SH3PXD2A: variants seen among roughly 807,000 people sequenced by gnomAD.
The protein encoded by SH3PXD2A is SH3 and PX domain-containing protein 2A.
In SH3PXD2A, 32 loss-of-function variants were observed where a neutral mutation model predicts 115.2. The observed-to-expected ratio is 0.28, with a 90% confidence interval of 0.21 to 0.37. SH3PXD2A has a LOEUF of 0.37. Among genes scored for constraint, SH3PXD2A ranks in the 10% least tolerant of loss-of-function variants. The pLI is 1.00. For missense variants in SH3PXD2A, 1,328 were observed against 1,498.7 expected, an observed-to-expected ratio of 0.89 and a Z score of 1.88; for synonymous variants, 610 against 629.1, an observed-to-expected ratio of 0.97 and a Z score of 0.45.
At chr10:103,715,215 G>C (rs530002802) in intron 5 of SH3PXD2A, among the ~76,000 whole-genome samples, 1 of 152,322 alleles carries the variant, frequency 6.6e-6, no homozygotes, top group South Asian at 2.1e-4. Flanking sequence ...CATTTTCTAC[G>C]CATTTGCTCC....
intron 3 of SH3PXD2A, among the ~76,000 whole-genome samples, chr10:103,759,955 T>C (rs2038682444): frequency 6.6e-6 from 1 of 152,268 alleles, no homozygotes; most frequent in Non-Finnish European, 1.5e-5. Flanking sequence ...GGCCTCCTGC[T>C]GTTGTACATG....
At chr10:103,663,800 C>A (rs914439527) in intron 7 of SH3PXD2A, among the ~76,000 whole-genome samples, 1 of 152,244 alleles carries the variant, frequency 6.6e-6, no homozygotes, top group Non-Finnish European at 1.5e-5. Flanking sequence ...CACTGCCCCC[C>A]GGCAGTTTTC....
Position 103,626,387 on chromosome 10 carries a change from C to T in SH3PXD2A, c.718+702G>A, listed in dbSNP as rs375060230. ...CACCAACCGTTAGGGAAAGAATTCC[C>T]GCAGCCAGGCCATGGGAGGCTTGGA... On this transcript the variant is annotated intron_variant, in intron 9 of 14. Coordinates refer to ENST00000369774, the MANE Select transcript of SH3PXD2A (RefSeq NM_001394015.1). Among the ~76,000 whole-genome samples, 7 of 152,126 alleles carry T rather than the reference C, an allele frequency of 4.6e-5. No homozygotes were observed. In the East Asian group the frequency reaches 7.7e-4, roughly 17 times the overall value.
At chr10:103,832,073 C>T (rs1445842388) in intron 1 of SH3PXD2A, among the ~76,000 whole-genome samples, 1 of 152,186 alleles carries the variant, frequency 6.6e-6, no homozygotes, top group African/African-American at 2.4e-5. Context: ...CACTCTCTCC[C>T]CATGCCCCAG....
chr10:103,684,654 G>A (rs1052275119), intron 6 of SH3PXD2A, among the ~76,000 whole-genome samples: 11 of 152,218 alleles, frequency 7.2e-5, no homozygotes, highest in African/African-American at 2.6e-4. Flanking sequence ...CCCGGCCATA[G>A]ACTAACCCTT....
intron 8 of SH3PXD2A, among the ~76,000 whole-genome samples, chr10:103,640,607 T>C (rs1475776644): frequency 1.3e-5 from 2 of 152,144 alleles, no homozygotes; most frequent in Non-Finnish European, 2.9e-5. Flanking sequence ...GACATGGAGA[T>C]GGGAGCAACA....
chr10:103,750,900 A>G (rs1024059238), intron 3 of SH3PXD2A, among the ~76,000 whole-genome samples: 1 of 152,220 alleles, frequency 6.6e-6, no homozygotes, highest in Non-Finnish European at 1.5e-5. Flanking sequence ...CAATTTTGTC[A>G]GCACTACCCA....
chr10:103,602,328 G>T lies in SH3PXD2A; in HGVS notation c.2890C>A (p.Pro964Thr). ...PGGFGKTSGT[P>T]AVKMRNGVRQ... ...ACTCCGTTCCTCATCTTCACCGCTG[G>T]AGTGCCTGAGGTCTTGCCGAAGCCC... Residue 964 changes from proline to threonine, a missense_variant, in exon 15 of 15, where the codon CCA (proline) becomes ACA (threonine). Coordinates refer to ENST00000369774, the MANE Select transcript of SH3PXD2A (RefSeq NM_001394015.1). The T allele has an allele frequency of 1.2e-6, 2 of 1,613,730 alleles. No homozygotes were observed.
In SH3PXD2A at chr10:103,784,569, T is replaced by C. The variant is rs537279584; in HGVS notation, c.153+16713A>G. 9.2e-5 allele frequency among the ~76,000 whole-genome samples: 14 copies of C among 152,282 alleles called. No individual in the cohort carries two copies. The highest frequency in any genetic ancestry group is 6.5e-4 in the Admixed American group (10 of 15,298). ...GCCTGTGATATCATTTTCTATAGGATTGAAAACATTCCTAATTACAAATAA... is the reference window on the plus strand; with the variant it reads ...GCCTGTGATATCATTTTCTATAGGACTGAAAACATTCCTAATTACAAATAA... On this transcript the variant is annotated intron_variant, in intron 2 of 14. Transcript: ENST00000369774. The surrounding 1 kb of genome is among the most constrained non-coding windows in gnomAD (Gnocchi z 4.4).
At chr10:103,818,521 T>C (rs2134286469) in intron 1 of SH3PXD2A, among the ~76,000 whole-genome samples, 2 of 152,294 alleles carry the variant, frequency 1.3e-5, no homozygotes, top group Non-Finnish European at 2.9e-5. Context: ...AACTGATTCC[T>C]AAAATATCCT....
At chr10:103,678,251 G>T in intron 6 of SH3PXD2A, 1 of 837,856 alleles carries the variant, frequency 1.2e-6, no homozygotes, top group Non-Finnish European at 1.7e-6. Context: ...CCTCCTCTGC[G>T]TGGGTCCAGA....
At chr10:103,791,845 C>G (rs973448522) in intron 2 of SH3PXD2A, among the ~76,000 whole-genome samples, 10 of 152,090 alleles carry the variant, frequency 6.6e-5, no homozygotes, top group African/African-American at 1.7e-4. Flanking sequence ...ACCCTCCAGC[C>G]GGACCCAGGT....
chr10:103,636,136 C>T (rs1393140904), intron 8 of SH3PXD2A, among the ~76,000 whole-genome samples: 3 of 152,050 alleles, frequency 2.0e-5, no homozygotes, highest in Admixed American at 6.5e-5. Flanking sequence ...AAGCTGGGCG[C>T]GGTGGCTCAG....
chr10:103,729,510 C>G (rs2038288457), intron 4 of SH3PXD2A, among the ~76,000 whole-genome samples: 1 of 152,240 alleles, frequency 6.6e-6, no homozygotes, highest in East Asian at 1.9e-4. Context: ...CCGAAGGCCT[C>G]AGGTTGGAGA....
At chr10:103,824,913 G>A (rs894555415) in intron 1 of SH3PXD2A, among the ~76,000 whole-genome samples, 23 of 152,078 alleles carry the variant, frequency 1.5e-4, no homozygotes, top group African/African-American at 5.1e-4. Flanking sequence ...AGCAATTCTC[G>A]TGCCTCAGCC....
intron 12 of SH3PXD2A, among the ~76,000 whole-genome samples, chr10:103,612,381 G>A (rs900655885): frequency 1.1e-4 from 17 of 152,146 alleles, no homozygotes; most frequent in African/African-American, 3.6e-4. Flanking sequence ...CCAGAAAGAC[G>A]TTTCTCTACA....
chr10:103,855,105 G>A, intron 1 of SH3PXD2A, 90 bp downstream of exon 1: 1 of 853,622 alleles, frequency 1.2e-6, no homozygotes, highest in Non-Finnish European at 1.7e-6. Flanking sequence ...TTAGCTTCGC[G>A]ACCTCACAGC....
intron 8 of SH3PXD2A, among the ~76,000 whole-genome samples, chr10:103,629,429 G>C (rs1166759156): frequency 6.6e-6 from 1 of 152,220 alleles, no homozygotes; most frequent in African/African-American, 2.4e-5. Flanking sequence ...TCTGGGTGAT[G>C]AGACTGCTTC....
intron 2 of SH3PXD2A, among the ~76,000 whole-genome samples, chr10:103,799,368 C>T (rs1330361693): frequency 6.6e-6 from 1 of 152,280 alleles, no homozygotes; most frequent in Non-Finnish European, 1.5e-5. Context: ...ATGCTTGGCT[C>T]ATAAGTTAAT....
Sources: gnomAD v4.1 joint callset for allele counts (sites outside exome capture counted in the v4.1 genomes callset) on GRCh38, gnomAD v4.1.1 for gene constraint, Gnocchi (gnomAD v3.1) non-coding constraint, MANE v1.5 for transcripts, NCBI Gene and HGNC (gene_info 2026-07-23, HGNC 2026-07-21) for gene names.